Variants in MAPK8 observed in about 807,000 individuals in gnomAD.
The protein encoded by MAPK8 is JUN N-terminal kinase.
MAPK8 carries 13 observed loss-of-function variants against 52.9 expected under a neutral mutation model. That is an observed-to-expected ratio of 0.25 (90% CI 0.16 to 0.39). The LOEUF (loss-of-function observed/expected upper bound fraction) is 0.39, where lower values mean the gene tolerates loss of function less well. Among genes scored for constraint, MAPK8 ranks in the 10% least tolerant of loss-of-function variants. The probability of loss-of-function intolerance (pLI) is 1.00; values close to 1 mark genes in which losing one functional copy is unlikely to be tolerated. For missense variants in MAPK8, 300 were observed against 519.2 expected (o/e 0.58, Z 4.10); for synonymous variants, 191 against 169.8 (o/e 1.12, Z -0.97).
intron 1 of MAPK8, 109 bp from the exon 2 acceptor site, chr10:48,401,503 T>C: frequency 1.6e-6 from 1 of 609,622 alleles, no homozygotes; most frequent in Non-Finnish European, 2.8e-6. Flanking sequence ...GCAGCTCTTT[T>C]CATGATCTAG....
rs1371518784 is a variant in MAPK8, at chr10:48,360,186, G to A, written c.-49-41426G>A. ...TGTCTAAAAGAAAAAAAAAGAAGAA[G>A]GTGTAAAGAACTCGAACAGTTGAAC... On this transcript the variant is annotated intron_variant, in intron 1 of 11. Transcript: ENST00000374189. Among the ~76,000 whole-genome samples the A allele has an allele frequency of 4.6e-5, 7 of 151,946 alleles. No homozygotes were observed. In the East Asian group the frequency reaches 1.4e-3, roughly 29 times the overall value.
intron 1 of MAPK8, among the ~76,000 whole-genome samples, chr10:48,329,860 AAGGTC>A (rs1843940634): frequency 1.3e-5 from 2 of 152,330 alleles, no homozygotes; most frequent in African/African-American, 4.8e-5. Flanking sequence ...CTGGTTCCCC[AAGGTC>A]AGGGCATACT....
intron 1 of MAPK8, among the ~76,000 whole-genome samples, chr10:48,367,701 A>G (rs954072726): frequency 6.6e-6 from 1 of 152,212 alleles, no homozygotes; most frequent in Non-Finnish European, 1.5e-5. Context: ...ATAAGTTTAC[A>G]GTTAGATATA....
chr10:48,420,360 G>T (rs1204198783), intron 6 of MAPK8, 40 bp downstream of exon 6: 1 of 1,527,488 alleles, frequency 6.5e-7, no homozygotes, highest in South Asian at 1.3e-5. Context: ...TTCTGATTTA[G>T]CTTTTTTCTT....
intron 1 of MAPK8, among the ~76,000 whole-genome samples, chr10:48,377,547 G>T (rs189768731): frequency 6.6e-6 from 1 of 152,108 alleles, no homozygotes; most frequent in Non-Finnish European, 1.5e-5. Flanking sequence ...TGTGTAGCTT[G>T]CAAGTCATAT....
Position 48,422,072 on chromosome 10 carries a change from G to A in MAPK8, c.616+1752G>A, listed in dbSNP as rs1589258523. Among the ~76,000 whole-genome samples the A allele has an allele frequency of 2.0e-5, 3 of 149,706 alleles. 1 individual carries two copies. Among genetic ancestry groups the A allele is most frequent in the Middle Eastern group, 6.9e-3 (2 of 290 alleles). Reference sequence around the variant, plus strand: ...TTTTGAGATGGAGTCTCACTCTGTTGCCCAGGCTGGAGTACAGTCATGCCA... The same window carrying A: ...TTTTGAGATGGAGTCTCACTCTGTTACCCAGGCTGGAGTACAGTCATGCCA... On this transcript the variant is annotated intron_variant, in intron 6 of 11. Transcript: ENST00000374189.
chr10:48,406,926 C>A (rs2042502120), intron 3 of MAPK8, among the ~76,000 whole-genome samples: 1 of 152,202 alleles, frequency 6.6e-6, no homozygotes, highest in Admixed American at 6.5e-5. Context: ...GACATTAAAA[C>A]CCTGTTTAGA....
intron 1 of MAPK8, among the ~76,000 whole-genome samples, chr10:48,348,326 G>T (rs536059331): frequency 6.6e-6 from 1 of 152,004 alleles, no homozygotes; most frequent in Non-Finnish European, 1.5e-5. Context: ...ATTTTCTCCC[G>T]TTCTGTAGGT....
chr10:48,435,055 G>C lies in MAPK8; in HGVS notation c.*26G>C. On this transcript the variant is annotated 3_prime_UTR_variant, in exon 12 of 12. Coordinates refer to ENST00000374189, the MANE Select transcript of MAPK8 (RefSeq NM_001323329.2). ...CTACTTGGGCCATCGGGGGGTGGGAGGGATGGGGAGTCGGTTAGTCATTGA... is the reference window on the plus strand; with the variant it reads ...CTACTTGGGCCATCGGGGGGTGGGACGGATGGGGAGTCGGTTAGTCATTGA... 11 of 1,375,560 alleles carry C rather than the reference G, an allele frequency of 8.0e-6. No homozygotes were observed. Among genetic ancestry groups the C allele is most frequent in the South Asian group, 1.4e-5 (1 of 72,720 alleles). 85.2% of individuals were successfully genotyped at this position (1,375,560 alleles called of 1,614,324 possible).
At chr10:48,362,704 C>A (rs1847647201) in intron 1 of MAPK8, among the ~76,000 whole-genome samples, 1 of 149,176 alleles carries the variant, frequency 6.7e-6, no homozygotes, top group East Asian at 2.0e-4. Flanking sequence ...TATCACACTG[C>A]TCACGTAATT....
At chr10:48,387,132 A>G (rs971933125) in intron 1 of MAPK8, among the ~76,000 whole-genome samples, 3 of 152,208 alleles carry the variant, frequency 2.0e-5, no homozygotes, top group African/African-American at 7.2e-5. Context: ...CAATTGCAGA[A>G]CTACAAACCA....
chr10:48,410,441 G>A (rs2042689032), intron 5 of MAPK8: 1 of 281,086 alleles, frequency 3.6e-6, no homozygotes, highest in Non-Finnish European at 6.6e-6. Flanking sequence ...ACGGCGTGAT[G>A]TTTTCAAGAT....
intron 5 of MAPK8, among the ~76,000 whole-genome samples, chr10:48,411,864 C>T (rs2042771479): frequency 7.4e-6 from 1 of 135,770 alleles, no homozygotes; most frequent in African/African-American, 3.1e-5. Context: ...CCTCTCTTCC[C>T]CTCCCCTCCC....
chr10:48,317,113 G>T (rs753990719), intron 1 of MAPK8, among the ~76,000 whole-genome samples: 8 of 152,150 alleles, frequency 5.3e-5, no homozygotes, highest in Non-Finnish European at 1.2e-4. Flanking sequence ...TGGTGATCTT[G>T]TTGGGTGGTT....
At chr10:48,347,473 G>A (rs570131317) in intron 1 of MAPK8, among the ~76,000 whole-genome samples, 10 of 152,200 alleles carry the variant, frequency 6.6e-5, no homozygotes, top group East Asian at 1.9e-4. Context: ...AGGTATACAC[G>A]TGGCATGGTG....
intron 1 of MAPK8, among the ~76,000 whole-genome samples, chr10:48,311,466 T>C (rs574415469): frequency 6.6e-6 from 1 of 152,236 alleles, no homozygotes; most frequent in Non-Finnish European, 1.5e-5. Flanking sequence ...TTTGCCACTT[T>C]CACGATTTTT....
intron 5 of MAPK8, among the ~76,000 whole-genome samples, chr10:48,419,865 T>C (rs1564612193): frequency 6.6e-6 from 1 of 152,234 alleles, no homozygotes; most frequent in African/African-American, 2.4e-5. Flanking sequence ...AGCTTTGCGA[T>C]GTCTTTTCAA....
chr10:48,348,096 G>A (rs1403498274), intron 1 of MAPK8, among the ~76,000 whole-genome samples: 2 of 152,166 alleles, frequency 1.3e-5, no homozygotes, highest in African/African-American at 2.4e-5. Flanking sequence ...TCTAACTGGC[G>A]TGAAATGGTA....
chr10:48,318,230 T>C (rs1842686380), intron 1 of MAPK8, among the ~76,000 whole-genome samples: 1 of 152,194 alleles, frequency 6.6e-6, no homozygotes, highest in South Asian at 2.1e-4. Flanking sequence ...ATTAAAGCCT[T>C]ACCAAGTGAT....
Sources: allele counts gnomAD v4.1 joint callset (sites outside exome capture counted in the v4.1 genomes callset), GRCh38; gene constraint gnomAD v4.1.1; transcripts MANE v1.5; gene names NCBI Gene and HGNC (gene_info 2026-07-23, HGNC 2026-07-21).